CDH4: variants seen among roughly 807,000 people sequenced by gnomAD.
The protein encoded by CDH4 is cadherin-4.
CDH4 carries 33 observed loss-of-function variants against 86.0 expected under a neutral mutation model. That is an observed-to-expected ratio of 0.38 (90% CI 0.29 to 0.51). The LOEUF (loss-of-function observed/expected upper bound fraction) is 0.51. Ranked by LOEUF, CDH4 falls within the 20% of genes least tolerant of loss-of-function variation. CDH4 has a pLI of 0.86. For missense variants in CDH4, 1,114 were observed against 1,307.4 expected, an observed-to-expected ratio of 0.85 and a Z score of 2.28; for synonymous variants, 555 against 549.4, an observed-to-expected ratio of 1.01 and a Z score of -0.14.
At chr20:61,638,385 GT>G (rs1298414445) in intron 2 of CDH4, among the ~76,000 whole-genome samples, 1 of 152,178 alleles carries the variant, frequency 6.6e-6, no homozygotes, top group African/African-American at 2.4e-5. Flanking sequence ...AACCCCTTGT[GT>G]TCTGTAGAAT....
intron 2 of CDH4, among the ~76,000 whole-genome samples, chr20:61,400,263 A>G (rs1485866099): frequency 1.3e-5 from 2 of 152,210 alleles, no homozygotes; most frequent in Non-Finnish European, 1.5e-5. Flanking sequence ...ATGATGCTCT[A>G]CAATCAGAGC....
At chr20:61,713,830 G>A (rs1263920175) in intron 2 of CDH4, among the ~76,000 whole-genome samples, 1 of 152,106 alleles carries the variant, frequency 6.6e-6, no homozygotes, top group Non-Finnish European at 1.5e-5. Flanking sequence ...ACTACTAGAA[G>A]CCCATCTGTG....
chr20:61,504,256 A>G lies in CDH4; in HGVS notation c.170-239307A>G, dbSNP rs143593423. 3.7e-4 allele frequency among the ~76,000 whole-genome samples: 57 copies of G among 152,294 alleles called. No individual in the cohort carries two copies. The Middle Eastern group carries it at 0.01, about 27-fold the overall frequency. ...GCCTCTGCTGCCCTCTGTGTTGCCCATGTCTTCCTATGGCTGAGGCTGGCT... is the reference window on the plus strand; with the variant it reads ...GCCTCTGCTGCCCTCTGTGTTGCCCGTGTCTTCCTATGGCTGAGGCTGGCT... On this transcript the variant is annotated intron_variant, in intron 2 of 15. Coordinates refer to ENST00000614565, the MANE Select transcript of CDH4 (RefSeq NM_001794.5).
chr20:61,355,447 G>A (rs1028258543), intron 2 of CDH4, among the ~76,000 whole-genome samples: 1 of 152,174 alleles, frequency 6.6e-6, no homozygotes, highest in Non-Finnish European at 1.5e-5. Context: ...TCTTCCTCTC[G>A]TGGAAATTTC....
At chr20:61,381,706 C>T (rs977335173) in intron 2 of CDH4, among the ~76,000 whole-genome samples, 1 of 152,088 alleles carries the variant, frequency 6.6e-6, no homozygotes, top group Non-Finnish European at 1.5e-5. Context: ...ACTTTCCCAC[C>T]CCAATTTGGC....
At position 61,377,618 on chromosome 20, in the gene CDH4, G is replaced by T. The variant is rs1236861530; in HGVS notation, c.169+122681G>T. ...TCGCTTTAGCTTTCAAACAACTGTA[G>T]TGTCTTTAACTTTATCTGAAGAACG... is the stretch of plus-strand genomic sequence containing the variant. On this transcript the variant is annotated intron_variant, in intron 2 of 15. Coordinates refer to ENST00000614565, the MANE Select transcript of CDH4 (RefSeq NM_001794.5). The surrounding 1 kb of genome is among the most constrained non-coding windows in gnomAD (Gnocchi z 4.0). Among the ~76,000 whole-genome samples the T allele has an allele frequency of 6.6e-6, 1 of 152,180 alleles. No individual in the cohort carries two copies. Among genetic ancestry groups the T allele is most frequent in the African/African-American group, 2.4e-5 (1 of 41,442 alleles).
At chr20:61,701,462 G>A (rs928099039) in intron 2 of CDH4, among the ~76,000 whole-genome samples, 5 of 152,244 alleles carry the variant, frequency 3.3e-5, no homozygotes, top group Non-Finnish European at 7.3e-5. Flanking sequence ...TGTCCACATA[G>A]GTGGGTTTGG....
chr20:61,536,846 A>G (rs1457215503), intron 2 of CDH4, among the ~76,000 whole-genome samples: 1 of 152,122 alleles, frequency 6.6e-6, no homozygotes, highest in Admixed American at 6.5e-5. Context: ...CACAGCAGAG[A>G]GCTGGCCAGG....
intron 4 of CDH4, among the ~76,000 whole-genome samples, chr20:61,843,461 A>G (rs1982272972): frequency 7.0e-6 from 1 of 143,180 alleles, no homozygotes; most frequent in African/African-American, 2.5e-5. Flanking sequence ...CGTCTCAAAA[A>G]AAAAAAAAAA....
chr20:61,430,912 CTTCAGGG>C (rs1380815754), intron 2 of CDH4, among the ~76,000 whole-genome samples: 3 of 152,232 alleles, frequency 2.0e-5, no homozygotes, highest in African/African-American at 4.8e-5. Flanking sequence ...AGCCCCCAGG[CTTCAGGG>C]TTCCTGTGGA....
intron 2 of CDH4, among the ~76,000 whole-genome samples, chr20:61,464,279 T>G (rs1442951328): frequency 1.3e-5 from 2 of 152,160 alleles, no homozygotes; most frequent in Non-Finnish European, 2.9e-5. Context: ...AAAATCCCAA[T>G]AAGTTTATTT....
At chr20:61,685,630 C>T (rs756493102) in intron 2 of CDH4, among the ~76,000 whole-genome samples, 1 of 152,258 alleles carries the variant, frequency 6.6e-6, no homozygotes, top group Non-Finnish European at 1.5e-5. Flanking sequence ...GGTCACTCAG[C>T]CTCTGTGTCT....
At chr20:61,764,670 A>G (rs976695848) in intron 3 of CDH4, among the ~76,000 whole-genome samples, 1 of 152,198 alleles carries the variant, frequency 6.6e-6, no homozygotes, top group Non-Finnish European at 1.5e-5. Flanking sequence ...CATCCGCCCC[A>G]TCAGTGGCAG....
chr20:61,589,617 A>T (rs192355031), intron 2 of CDH4, among the ~76,000 whole-genome samples: 1 of 152,252 alleles, frequency 6.6e-6, no homozygotes, highest in Admixed American at 6.5e-5. Context: ...ACTCTGTGCC[A>T]AGTAATGTGC....
chr20:61,406,478 CACCA>C, intron 2 of CDH4, among the ~76,000 whole-genome samples: 3 of 147,502 alleles, frequency 2.0e-5, no homozygotes, highest in Non-Finnish European at 3.0e-5. Context: ...CTGCCTGGAC[CACCA>C]TCTGCCATCT....
intron 3 of CDH4, among the ~76,000 whole-genome samples, chr20:61,758,977 G>A (rs1350271281): frequency 6.6e-6 from 1 of 152,192 alleles, no homozygotes; most frequent in Non-Finnish European, 1.5e-5. Flanking sequence ...GCGCATGGGT[G>A]TGCACATGGG....
chr20:61,733,740 A>G lies in CDH4; in HGVS notation c.170-9823A>G, dbSNP rs563983690. 8.4e-4 allele frequency among the ~76,000 whole-genome samples: 128 copies of G among 152,226 alleles called. 1 individual carries two copies. Among genetic ancestry groups the G allele is most frequent in the Non-Finnish European group, 1.5e-3 (103 of 68,050 alleles). ...AAGAAAGAAAAAGAAAAGAAAAGAAAGAGCAAGCTGGCAACCTCTGCTGGT... is the reference window on the plus strand; with the variant it reads ...AAGAAAGAAAAAGAAAAGAAAAGAAGGAGCAAGCTGGCAACCTCTGCTGGT... On this transcript the variant is annotated intron_variant, in intron 2 of 15. Transcript: ENST00000614565.
intron 2 of CDH4, among the ~76,000 whole-genome samples, chr20:61,456,193 C>T (rs1197320518): frequency 6.6e-6 from 1 of 152,140 alleles, no homozygotes; most frequent in Non-Finnish European, 1.5e-5. Flanking sequence ...GTCTGCAAAA[C>T]CCTCAGGAAC....
At chr20:61,565,179 T>TGGTA (rs1555809044) in intron 2 of CDH4, among the ~76,000 whole-genome samples, 2,002 of 84,634 alleles carry the variant, frequency 0.024, 218 homozygotes, top group South Asian at 0.037. Flanking sequence ...GGGGTGGTGG[T>TGGTA]GGTGGTGGTC....
Sources: gnomAD v4.1 joint callset for allele counts (sites outside exome capture counted in the v4.1 genomes callset) on GRCh38, gnomAD v4.1.1 for gene constraint, Gnocchi (gnomAD v3.1) non-coding constraint, MANE v1.5 for transcripts, NCBI Gene and HGNC (gene_info 2026-07-23, HGNC 2026-07-21) for gene names.